ANXA1: variants seen among roughly 807,000 people sequenced by gnomAD.
ANXA1 encodes the protein annexin A1, also known as annexin I (lipocortin I).
ANXA1 carries 39 observed loss-of-function variants against 47.9 expected under a neutral mutation model. That is an observed-to-expected ratio of 0.81 (90% CI 0.63 to 1.06). The LOEUF (loss-of-function observed/expected upper bound fraction) is 1.06, where lower values mean the gene tolerates loss of function less well. Among genes scored for constraint, ANXA1 ranks in the 50% least tolerant of loss-of-function variants. The pLI, the probability that ANXA1 is intolerant of heterozygous loss-of-function variation, is 0.00. For missense variants in ANXA1, 446 were observed against 422.7 expected, an observed-to-expected ratio of 1.06 and a Z score of -0.48; for synonymous variants, 146 against 142.5, an observed-to-expected ratio of 1.02 and a Z score of -0.17.
chr9:73,167,389 T>C, intron 10 of ANXA1, 108 bp from the exon 11 acceptor site: 1 of 926,202 alleles, frequency 1.1e-6, no homozygotes, highest in Non-Finnish European at 1.7e-6. Context: ...AGAATGATGA[T>C]GAGGGATAGA....
At position 73,160,787 on chromosome 9, in the gene ANXA1, T is replaced by G. The variant is rs776768192; in HGVS notation, c.385-16T>G. ...ATTTTTTTCTACATTTATCCTTTTC[T>G]TCTCTTCAAATTTAGGGCCTTGGAA... On this transcript the variant is annotated splice_polypyrimidine_tract_variant and intron_variant, in intron 5 of 12. Transcript: ENST00000257497. The G allele has an allele frequency of 8.2e-6, 13 of 1,589,426 alleles. 1 individual carries two copies. The South Asian group carries it at 1.5e-4, about 18-fold the overall frequency.
At chr9:73,169,261 T>C (rs1824285046) in intron 12 of ANXA1, 107 bp downstream of exon 12, 1 of 1,246,010 alleles carries the variant, frequency 8.0e-7, no homozygotes, top group Non-Finnish European at 1.1e-6. Flanking sequence ...ATATGTAAGA[T>C]TAATTTAATA....
At chr9:73,154,020 C>G (rs1223679933) in intron 1 of ANXA1, among the ~76,000 whole-genome samples, 2 of 152,024 alleles carry the variant, frequency 1.3e-5, no homozygotes, top group East Asian at 3.9e-4. Flanking sequence ...TGATGAGTCA[C>G]TTAGAAGTAG....
At chr9:73,153,664 ATAGTTGTGG>A (rs1824004599) in intron 1 of ANXA1, among the ~76,000 whole-genome samples, 1 of 152,226 alleles carries the variant, frequency 6.6e-6, no homozygotes, top group African/African-American at 2.4e-5. Flanking sequence ...TTTATATCCT[ATAGTTGTGG>A]GTAGAAAATG....
intron 6 of ANXA1, among the ~76,000 whole-genome samples, chr9:73,162,212 T>A (rs1239240230): frequency 6.6e-6 from 1 of 152,150 alleles, no homozygotes; most frequent in Non-Finnish European, 1.5e-5. Context: ...AATTGCAACA[T>A]GAGACTTGGC....
chr9:73,166,971 T>A (rs538608689), intron 10 of ANXA1, among the ~76,000 whole-genome samples: 1 of 152,146 alleles, frequency 6.6e-6, no homozygotes, highest in Non-Finnish European at 1.5e-5. Flanking sequence ...CTTATTTGTT[T>A]GTGCAACTCT....
intron 1 of ANXA1, chr9:73,154,301 C>T (rs373029988): frequency 1.8e-5 from 25 of 1,365,864 alleles, no homozygotes; most frequent in East Asian, 9.1e-5. Context: ...AAACCTGCTA[C>T]GGTCTGCGCA....
chr9:73,158,877 A>C (rs761895853), intron 3 of ANXA1, 74 bp downstream of exon 3: 22 of 1,168,422 alleles, frequency 1.9e-5, no homozygotes, highest in Non-Finnish European at 2.6e-5. Flanking sequence ...CAAAAAACAG[A>C]CATGTGCAAT....
chr9:73,156,311 T>C (rs1164870639), intron 1 of ANXA1, among the ~76,000 whole-genome samples: 1 of 152,062 alleles, frequency 6.6e-6, no homozygotes, highest in African/African-American at 2.4e-5. Context: ...TTTGAGTGCC[T>C]GAAGCTGCTA....
At chr9:73,166,418 A>C in intron 10 of ANXA1, among the ~76,000 whole-genome samples, 1 of 152,132 alleles carries the variant, frequency 6.6e-6, no homozygotes. Flanking sequence ...GAGATAGACT[A>C]TACTTATTGA....
At chr9:73,153,337 T>A (rs970811137) in intron 1 of ANXA1, among the ~76,000 whole-genome samples, 5 of 152,218 alleles carry the variant, frequency 3.3e-5, no homozygotes, top group Admixed American at 1.3e-4. Flanking sequence ...CCAGCAGACC[T>A]ATTATTTTTC....
At position 73,169,131 on chromosome 9, in the gene ANXA1, A is replaced by G. The variant is rs1300218215; in HGVS notation, c.961A>G (p.Ile321Val). 1.2e-6 allele frequency: 2 copies of G among 1,612,136 alleles called. No homozygotes were observed. The highest frequency in any genetic ancestry group is 1.3e-5 in the African/African-American group (1 of 74,852). ...IKAFYQKMYG[I>V]SLCQAILDET... ...AGCATTCTATCAGAAGATGTATGGTATCTCCCTTTGCCAAGCCATCCTGGT... is the reference window on the plus strand; with the variant it reads ...AGCATTCTATCAGAAGATGTATGGTGTCTCCCTTTGCCAAGCCATCCTGGT... The change falls in exon 12 of 13, where the codon ATC becomes GTC. Residue 321 changes from isoleucine (I) to valine (V), a missense_variant. Coordinates refer to ENST00000257497, the MANE Select transcript of ANXA1 (RefSeq NM_000700.3).
chr9:73,164,687 G>A (rs1259650452), intron 8 of ANXA1, among the ~76,000 whole-genome samples: 1 of 152,120 alleles, frequency 6.6e-6, no homozygotes, highest in East Asian at 1.9e-4. Context: ...AAATTGCAGA[G>A]TCAGAATTTG....
At chr9:73,156,428 T>C (rs781726554) in intron 1 of ANXA1, among the ~76,000 whole-genome samples, 4 of 152,118 alleles carry the variant, frequency 2.6e-5, no homozygotes, top group Non-Finnish European at 4.4e-5. Context: ...ACTAAAACCT[T>C]GTGCAAAATT....
At chr9:73,157,686 A>C (rs1380001406) in intron 1 of ANXA1, 1 of 151,180 alleles carries the variant, frequency 6.6e-6, no homozygotes, top group Admixed American at 6.6e-5. Flanking sequence ...GCAATCATTA[A>C]GCTTTTCATC....
intron 8 of ANXA1, 105 bp from the exon 9 acceptor site, chr9:73,165,011 T>C (rs1824203007): frequency 1.2e-6 from 1 of 815,152 alleles, no homozygotes; most frequent in East Asian, 2.7e-5. Context: ...CTGATTGTAT[T>C]GGGCACAAAG....
At chr9:73,166,061 G>A (rs1027254126) in intron 9 of ANXA1, 36 bp from the exon 10 acceptor site, 1 of 1,498,482 alleles carries the variant, frequency 6.7e-7, no homozygotes. Context: ...AGAAAAGGAT[G>A]TTTTGCATGT....
At chr9:73,158,262 G>A (rs1810039789) in intron 1 of ANXA1, 1 of 383,736 alleles carries the variant, frequency 2.6e-6, no homozygotes, top group Non-Finnish European at 4.9e-6. Context: ...GTAGTTGTCT[G>A]ATCTCTAAAA....
At chr9:73,167,635 A>T (rs758683604) in intron 11 of ANXA1, 80 bp downstream of exon 11, 2 of 1,303,984 alleles carry the variant, frequency 1.5e-6, no homozygotes, top group Non-Finnish European at 2.2e-6. Flanking sequence ...TGTTGTTTGA[A>T]AATCTCACAT....
Sources: allele counts gnomAD v4.1 joint callset (sites outside exome capture counted in the v4.1 genomes callset), GRCh38; gene constraint gnomAD v4.1.1; transcripts MANE v1.5; gene names NCBI Gene and HGNC (gene_info 2026-07-23, HGNC 2026-07-21).